SLIT2: variants seen among roughly 807,000 people sequenced by gnomAD.
SLIT2 encodes the protein slit homolog 2 protein.
A neutral mutation model predicts 185.7 loss-of-function variants in SLIT2; 41 were observed. That is an observed-to-expected ratio of 0.22 (90% confidence interval 0.17 to 0.29). SLIT2 has a LOEUF of 0.29. Ranked by LOEUF, SLIT2 falls within the 10% of genes least tolerant of loss-of-function variation. The probability of loss-of-function intolerance (pLI) is 1.00; values close to 1 mark genes in which losing one functional copy is unlikely to be tolerated. For missense variants in SLIT2, 1,571 were observed against 1,909.0 expected (o/e 0.82, Z 3.30); for synonymous variants, 693 against 680.2 (o/e 1.02, Z -0.29).
chr4:20,517,039 C>A (rs558586669), intron 11 of SLIT2, among the ~76,000 whole-genome samples: 4 of 152,286 alleles, frequency 2.6e-5, no homozygotes, highest in Middle Eastern at 6.8e-3. Flanking sequence ...TTTGGGCCAA[C>A]CTTCAAAGCA....
chr4:20,417,436 G>GTGTGTATATATA (rs1553898364), intron 4 of SLIT2, among the ~76,000 whole-genome samples: 2 of 123,678 alleles, frequency 1.6e-5, no homozygotes, highest in African/African-American at 5.8e-5. Context: ...ATGTGTGTGT[G>GTGTGTATATATA]TATATATATA....
chr4:20,342,242 G>A (rs1721018369), intron 4 of SLIT2, among the ~76,000 whole-genome samples: 1 of 152,116 alleles, frequency 6.6e-6, no homozygotes, highest in Non-Finnish European at 1.5e-5. Context: ...TGTATGCCAA[G>A]TATGGTTGAT....
chr4:20,433,071 G>GA lies in SLIT2; in HGVS notation c.396-34671dup, dbSNP rs200382431. On this transcript the variant is annotated intron_variant, in intron 4 of 36. Transcript: ENST00000504154. ...AAGGTATGCTTCCAAAGGAATGCTA[G>GA]AAAAAAAAAATACCTTCAAACTCTG... Among the ~76,000 whole-genome samples the GA allele has an allele frequency of 4.3e-3, 644 of 149,018 alleles. 3 individuals are homozygous for GA. Among genetic ancestry groups the GA allele is most frequent in the African/African-American group, 0.015 (597 of 40,724 alleles).
rs566940214 is a variant in SLIT2, at chr4:20,400,233, G to T, written c.396-67519G>T. ...GGTTATTCTGACTGATATGGTCAGA[G>T]TATGATATGGGGAAGATTAATTGAA... On this transcript the variant is annotated intron_variant, in intron 4 of 36. Transcript: ENST00000504154. Among the ~76,000 whole-genome samples, 79 of 151,904 alleles carry T rather than the reference G, an allele frequency of 5.2e-4. No individual in the cohort carries two copies. The South Asian group carries it at 0.014, about 28-fold the overall frequency.
At chr4:20,345,780 C>CA (rs1480679540) in intron 4 of SLIT2, among the ~76,000 whole-genome samples, 1 of 151,930 alleles carries the variant, frequency 6.6e-6, no homozygotes, top group East Asian at 1.9e-4. Context: ...ATGATCCACC[C>CA]ACCTCGGCCT....
intron 9 of SLIT2, among the ~76,000 whole-genome samples, chr4:20,495,010 A>G (rs1161445763): frequency 6.6e-6 from 1 of 152,126 alleles, no homozygotes; most frequent in Non-Finnish European, 1.5e-5. Context: ...AGGAAAAATG[A>G]TCTCCGGAGG....
intron 4 of SLIT2, among the ~76,000 whole-genome samples, chr4:20,425,707 GC>G (rs1728509142): frequency 6.6e-6 from 1 of 152,088 alleles, no homozygotes; most frequent in Non-Finnish European, 1.5e-5. Flanking sequence ...TCAACTTTAA[GC>G]CCCTAGGAAA....
chr4:20,403,002 A>G (rs1046304461), intron 4 of SLIT2, among the ~76,000 whole-genome samples: 9 of 151,848 alleles, frequency 5.9e-5, no homozygotes, highest in Non-Finnish European at 1.0e-4. Context: ...GCATTTAATA[A>G]TCATATCAAA....
intron 29 of SLIT2, among the ~76,000 whole-genome samples, chr4:20,586,700 T>A (rs2148943825): frequency 6.6e-6 from 1 of 152,298 alleles, no homozygotes; most frequent in East Asian, 1.9e-4. Flanking sequence ...GTATATGTCA[T>A]AAGATAGGCA....
At chr4:20,582,700 C>T (rs1210162234) in intron 29 of SLIT2, among the ~76,000 whole-genome samples, 3 of 152,144 alleles carry the variant, frequency 2.0e-5, no homozygotes, top group Admixed American at 1.3e-4. Flanking sequence ...CCTCAGTGTA[C>T]AATTTTTCTC....
chr4:20,564,774 G>GTTATC (rs533326235), intron 26 of SLIT2, among the ~76,000 whole-genome samples: 8 of 130,378 alleles, frequency 6.1e-5, no homozygotes, highest in Non-Finnish European at 1.1e-4. Flanking sequence ...GAGAATGCTT[G>GTTATC]TTATCTTGAT....
intron 4 of SLIT2, among the ~76,000 whole-genome samples, chr4:20,355,541 A>G (rs996689062): frequency 6.6e-6 from 1 of 152,126 alleles, no homozygotes; most frequent in African/African-American, 2.4e-5. Context: ...TAAAAAAGAC[A>G]TTTTCTTAAG....
intron 33 of SLIT2, among the ~76,000 whole-genome samples, chr4:20,604,983 G>T (rs558531454): frequency 6.6e-6 from 1 of 151,912 alleles, no homozygotes; most frequent in South Asian, 2.1e-4. Context: ...TTACAGGCAT[G>T]CACTACCATG....
intron 4 of SLIT2, among the ~76,000 whole-genome samples, chr4:20,333,285 A>T (rs1235401802): frequency 6.6e-6 from 1 of 152,190 alleles, no homozygotes; most frequent in East Asian, 1.9e-4. Flanking sequence ...ATCTGTGCTA[A>T]CTTTCTCGTC....
chr4:20,455,014 CA>C (rs1184220224), intron 4 of SLIT2, among the ~76,000 whole-genome samples: 1 of 152,002 alleles, frequency 6.6e-6, no homozygotes, highest in Non-Finnish European at 1.5e-5. Context: ...CACTTCTTGT[CA>C]AACATATAGA....
chr4:20,303,549 C>A (rs541273950), intron 4 of SLIT2, among the ~76,000 whole-genome samples: 1 of 151,792 alleles, frequency 6.6e-6, no homozygotes, highest in South Asian at 2.1e-4. Context: ...CTTTCTTTTC[C>A]TCCTTTGTAC....
intron 4 of SLIT2, among the ~76,000 whole-genome samples, chr4:20,331,278 T>G (rs1162455883): frequency 1.3e-5 from 2 of 152,054 alleles, no homozygotes; most frequent in Non-Finnish European, 2.9e-5. Context: ...GTAAAAGAAA[T>G]TTACATCAGA....
chr4:20,514,176 A>G (rs1392844616), intron 11 of SLIT2, among the ~76,000 whole-genome samples: 1 of 152,220 alleles, frequency 6.6e-6, no homozygotes, highest in Non-Finnish European at 1.5e-5. Context: ...TTTTATTTAA[A>G]TAAAAATTTT....
At chr4:20,509,249 A>G (rs117494690) in intron 9 of SLIT2, among the ~76,000 whole-genome samples, 3,307 of 151,954 alleles carry the variant, frequency 0.022, 88 homozygotes, top group Admixed American at 0.076. Context: ...TTTCCTATTG[A>G]AAGTGAACTC....
Sources: allele counts gnomAD v4.1 joint callset (sites outside exome capture counted in the v4.1 genomes callset), GRCh38; gene constraint gnomAD v4.1.1; transcripts MANE v1.5; gene names NCBI Gene and HGNC (gene_info 2026-07-23, HGNC 2026-07-21).